The following CABLES1 variants were observed in gnomAD, a reference collection of about 807,000 sequenced individuals.
The protein encoded by CABLES1 is CDK5 and ABL1 enzyme substrate 1.
Under a neutral mutation model 57.8 loss-of-function variants are expected in CABLES1, and 36 were observed. The observed-to-expected ratio is 0.62, with a 90% CI of 0.48 to 0.82. The LOEUF (loss-of-function observed/expected upper bound fraction) is 0.82, where lower values mean the gene tolerates loss of function less well. Ranked by LOEUF, CABLES1 falls within the 40% of genes least tolerant of loss-of-function variation. The pLI is 0.00. For synonymous variants in CABLES1, 374 were observed against 363.0 expected (o/e 1.03, Z -0.35); for missense variants, 767 against 836.6 (o/e 0.92, Z 1.03).
chr18:23,222,111 A>G (rs1054801149), intron 4 of CABLES1, among the ~76,000 whole-genome samples: 51 of 152,136 alleles, frequency 3.4e-4, no homozygotes, highest in Non-Finnish European at 8.8e-5. Context: ...CCCCAGACTT[A>G]ACAGAAACAG....
At chr18:23,165,899 A>G (rs1449069239) in intron 1 of CABLES1, among the ~76,000 whole-genome samples, 2 of 152,132 alleles carry the variant, frequency 1.3e-5, no homozygotes, top group African/African-American at 4.8e-5. Flanking sequence ...ACAAAGGGAA[A>G]GGGATGGCTG....
chr18:23,185,517 A>T (rs1423446640), intron 1 of CABLES1, among the ~76,000 whole-genome samples: 1 of 151,914 alleles, frequency 6.6e-6, no homozygotes, highest in African/African-American at 2.4e-5. Flanking sequence ...ATGCATGGAG[A>T]GGTGAACCTG....
At chr18:23,197,854 T>C (rs1339252057) in intron 3 of CABLES1, 1 of 152,218 alleles carries the variant, frequency 6.6e-6, no homozygotes, top group African/African-American at 2.4e-5. Flanking sequence ...AGAAGTAGAT[T>C]CTTCTGGGTT....
intron 1 of CABLES1, among the ~76,000 whole-genome samples, chr18:23,178,994 C>T (rs922993479): frequency 1.3e-5 from 2 of 152,126 alleles, no homozygotes; most frequent in Non-Finnish European, 2.9e-5. Context: ...AGATTCAAAA[C>T]CAGTTTCTTG....
intron 7 of CABLES1, among the ~76,000 whole-genome samples, chr18:23,244,452 G>A (rs1227878494): frequency 6.6e-6 from 1 of 152,226 alleles, no homozygotes; most frequent in East Asian, 1.9e-4. Flanking sequence ...GGCTGCGTAG[G>A]CTACCCGTTT....
chr18:23,220,113 TTGAAG>T (rs2047475532), intron 4 of CABLES1, among the ~76,000 whole-genome samples: 4 of 152,172 alleles, frequency 2.6e-5, no homozygotes, highest in Non-Finnish European at 5.9e-5. Context: ...GAGCTGCTGC[TTGAAG>T]CAGACTGCCC....
At position 23,136,368 on chromosome 18, in the gene CABLES1, C is replaced by T. The variant is rs775374737; in HGVS notation, c.606C>T (p.Ala202=). The change falls in exon 1 of 10, where the codon GCC becomes GCT. Residue 202 remains alanine (A), a synonymous_variant. Transcript: ENST00000256925. ...TGCAGCTGCTCGACGGGTCCGGGGCCGCCGGGCAGGAGGAGTTGGAGGAGG... is the reference window on the plus strand; with the variant it reads ...TGCAGCTGCTCGACGGGTCCGGGGCTGCCGGGCAGGAGGAGTTGGAGGAGG... ...AQLQLLDGSG[A]AGQEELEEDD... The T allele has an allele frequency of 9.2e-6, 14 of 1,524,642 alleles. No individual in the cohort carries two copies. In the African/African-American group the frequency reaches 1.4e-4, roughly 15 times the overall value. The allele number at this position is 1,524,642 out of a possible 1,614,324, so 94.4% of individuals were successfully genotyped here.
chr18:23,186,181 C>T (rs1001789621), intron 1 of CABLES1, among the ~76,000 whole-genome samples: 2 of 152,168 alleles, frequency 1.3e-5, no homozygotes, highest in African/African-American at 4.8e-5. Context: ...TGAGTGGGGG[C>T]CAGAGCCTAG....
rs1598896622 is a variant in CABLES1 at position 23,257,839 on chromosome 18, T to C, written c.*472T>C. On this transcript the variant is annotated 3_prime_UTR_variant, in exon 10 of 10. Transcript: ENST00000256925. Reference sequence around the variant, plus strand: ...GTGCCAATCTATTTTTGTATCAGCATTGGAAGTGCACTTTCCCCTGGGGCG... The same window carrying C: ...GTGCCAATCTATTTTTGTATCAGCACTGGAAGTGCACTTTCCCCTGGGGCG... 1.3e-5 allele frequency: 2 copies of C among 153,806 alleles called. No individual in the cohort carries two copies. Among genetic ancestry groups the C allele is most frequent in the East Asian group, 3.9e-4 (2 of 5,188 alleles). The allele number at this position is 153,806 out of a possible 1,614,324, so 9.5% of individuals were successfully genotyped here.
chr18:23,257,571 A>G lies in CABLES1; in HGVS notation c.*204A>G, dbSNP rs1022567679. 9.6e-6 allele frequency: 5 copies of G among 518,910 alleles called. No homozygotes were observed. Among genetic ancestry groups the G allele is most frequent in the Non-Finnish European group, 1.6e-5 (5 of 304,904 alleles). 32.1% of individuals were successfully genotyped at this position (518,910 alleles called of 1,614,324 possible). A position where few individuals can be genotyped will look rare whatever the true frequency, so the allele number is the denominator to read the frequency against. ...GGAGCCATGAGCTATGGACTCCTCA[A>G]GCACGGGAAGAGGAGGTGTGTGCTG... On this transcript the variant is annotated 3_prime_UTR_variant, in exon 10 of 10. Coordinates refer to ENST00000256925, the MANE Select transcript of CABLES1 (RefSeq NM_001100619.3).
At chr18:23,153,239 G>T (rs1465526193) in intron 1 of CABLES1, among the ~76,000 whole-genome samples, 23 of 151,912 alleles carry the variant, frequency 1.5e-4, no homozygotes, top group Admixed American at 1.2e-3. Flanking sequence ...GGGCCTACGG[G>T]CATGCACTAC....
intron 1 of CABLES1, among the ~76,000 whole-genome samples, chr18:23,153,785 C>CT (rs1346073168): frequency 6.6e-6 from 1 of 152,094 alleles, no homozygotes; most frequent in Non-Finnish European, 1.5e-5. Context: ...AGTCCCAACA[C>CT]TTTGAGAGGC....
rs59742943 is a variant in CABLES1, at chr18:23,181,496, C to CAAAAAAAAAAAA, written c.846-7322_846-7311dup. Among the ~76,000 whole-genome samples the CAAAAAAAAAAAA allele has an allele frequency of 1.4e-4, 5 of 35,410 alleles. 1 individual carries two copies. The highest frequency in any genetic ancestry group is 4.1e-4 in the Admixed American group (1 of 2,410). 23.2% of individuals were successfully genotyped at this position (35,410 alleles called of 152,430 possible). A position where few individuals can be genotyped will look rare whatever the true frequency, so the allele number is the denominator to read the frequency against. Reference sequence around the variant, plus strand: ...GGGCAACAAGAGCAAAGCTTCGTCTCAAAAAAAAAAAAAAAAAAAAAAAAA... The same window carrying CAAAAAAAAAAAA: ...GGGCAACAAGAGCAAAGCTTCGTCTCAAAAAAAAAAAAAAAAAAAAAAAAAAAAAAAAAAAAA... On this transcript the variant is annotated intron_variant, in intron 1 of 9. Coordinates refer to ENST00000256925, the MANE Select transcript of CABLES1 (RefSeq NM_001100619.3).
chr18:23,238,095 C>T (rs1186296396), intron 7 of CABLES1, among the ~76,000 whole-genome samples: 1 of 152,290 alleles, frequency 6.6e-6, no homozygotes, highest in Non-Finnish European at 1.5e-5. Flanking sequence ...AGCGCTTCCT[C>T]CTCTGGTTCC....
intron 1 of CABLES1, among the ~76,000 whole-genome samples, chr18:23,187,305 TGG>T (rs2047209675): frequency 2.0e-5 from 3 of 152,246 alleles, no homozygotes; most frequent in Non-Finnish European, 4.4e-5. Context: ...TGTGTGTGCT[TGG>T]TTCACACACA....
chr18:23,189,346 A>G (rs1195156914), intron 2 of CABLES1: 2 of 172,230 alleles, frequency 1.2e-5, no homozygotes, highest in African/African-American at 2.4e-5. Context: ...CCCAATTAGG[A>G]TAGTTGTGAG....
At chr18:23,219,961 G>A (rs2047474125) in intron 4 of CABLES1, among the ~76,000 whole-genome samples, 1 of 152,062 alleles carries the variant, frequency 6.6e-6, no homozygotes. Flanking sequence ...ACTGTATTGG[G>A]CACATTTTTT....
At chr18:23,138,917 C>T (rs1000211693) in intron 1 of CABLES1, among the ~76,000 whole-genome samples, 1 of 152,168 alleles carries the variant, frequency 6.6e-6, no homozygotes. Flanking sequence ...TCACTGGGAG[C>T]AGTTAGAAAT....
chr18:23,252,049 G>A (rs2048050927), intron 7 of CABLES1, among the ~76,000 whole-genome samples: 2 of 150,222 alleles, frequency 1.3e-5, no homozygotes, highest in Non-Finnish European at 1.5e-5. Flanking sequence ...TTGCACCGCT[G>A]CACTCCAGCC....
Sources: gnomAD v4.1 joint callset for allele counts (sites outside exome capture counted in the v4.1 genomes callset) on GRCh38, gnomAD v4.1.1 for gene constraint, MANE v1.5 for transcripts, NCBI Gene and HGNC (gene_info 2026-07-23, HGNC 2026-07-21) for gene names.